CTC1: variants seen among roughly 807,000 people sequenced by gnomAD.
CTC1 encodes the protein CST complex subunit CTC1.
A neutral mutation model predicts 136.3 loss-of-function variants in CTC1; 91 were observed. That is an observed-to-expected ratio of 0.67 (90% CI 0.56 to 0.79). The LOEUF (loss-of-function observed/expected upper bound fraction) is 0.79. Among genes scored for constraint, CTC1 ranks in the 30% least tolerant of loss-of-function variants. The pLI is 0.00. For missense variants in CTC1, 1,432 were observed against 1,498.1 expected (o/e 0.96, Z 0.73); for synonymous variants, 606 against 613.8 (o/e 0.99, Z 0.19).
rs768062140 is a variant in CTC1, at chr17:8,228,210, GCTGGAGTAC to G, written c.3615_3623del (p.Glu1205_Ser1208delinsAsp). 5 of 1,614,104 alleles carry G rather than the reference GCTGGAGTAC, an allele frequency of 3.1e-6. No homozygotes were observed. Among genetic ancestry groups the G allele is most frequent in the Non-Finnish European group, 4.2e-6 (5 of 1,179,976 alleles). ...AGGAGGAAGCAAGGATCCCCAGAGA[GCTGGAGTAC>G]TCTGACTCTCGGATAGAAAGGCAGG... is the stretch of plus-strand genomic sequence containing the variant. On this transcript the variant is annotated inframe_deletion, in exon 23 of 23. Transcript: ENST00000651323.
intron 1 of CTC1, among the ~76,000 whole-genome samples, chr17:8,246,650 G>A (rs1224980634): frequency 6.6e-6 from 1 of 152,094 alleles, no homozygotes; most frequent in African/African-American, 2.4e-5. Flanking sequence ...AGTTTCGGAG[G>A]CCAAGGCGGG....
Position 8,230,569 on chromosome 17 carries a change from T to C in CTC1, c.2752A>G (p.Lys918Glu). ...ACAAAGGAAGGGTCATTACCCAGTT[T>C]CATCCAGAGAGACGCCACAAGGGGT... is the stretch of plus-strand genomic sequence containing the variant. ...CEPLVASLWM[K>E]LGNTGAMRRC... Residue 918 changes from lysine (K) to glutamate (E), a missense_variant, in exon 16 of 23, where the codon AAA (lysine) becomes GAA (glutamate). Physicochemically the swap from Lys to Glu is moderately conservative, Grantham distance 56. Transcript: ENST00000651323. 1 of 1,614,140 alleles carries C rather than the reference T, an allele frequency of 6.2e-7. No individual in the cohort carries two copies. The highest frequency in any genetic ancestry group is 8.5e-7 in the Non-Finnish European group (1 of 1,180,002).
At chr17:8,238,996 G>A (rs1324090190) in intron 2 of CTC1, among the ~76,000 whole-genome samples, 1 of 150,842 alleles carries the variant, frequency 6.6e-6, no homozygotes, top group African/African-American at 2.4e-5. Context: ...GGATGCTGAG[G>A]CAGAAGAATT....
At chr17:8,234,958 C>G (rs1987577469) in intron 8 of CTC1, 32 bp from the exon 9 acceptor site, 1 of 1,593,938 alleles carries the variant, frequency 6.3e-7, no homozygotes, top group African/African-American at 1.3e-5. Context: ...AGTCACTTCC[C>G]CTGAAGAGCC....
At position 8,248,013 on chromosome 17, in the gene CTC1, G is replaced by A. The variant is rs749818659; in HGVS notation, c.24C>T (p.Val8=). Residue 8 remains valine (V), a synonymous_variant, in exon 1 of 23, where the codon GTC becomes GTT. Coordinates refer to ENST00000651323, the MANE Select transcript of CTC1 (RefSeq NM_025099.6). The part of the protein sequence containing the change: MAAGRAQ[V]PSSEQAWLED... ...TAATAGCAGCACTCACGGAGGAAGG[G>A]ACCTGGGCCCGGCCAGCCGCCATGA... 9.0e-6 allele frequency: 14 copies of A among 1,559,384 alleles called. No individual in the cohort carries two copies. The Admixed American group carries it at 1.2e-4, about 13-fold the overall frequency.
At position 8,235,899 on chromosome 17, in the gene CTC1, C is replaced by T. The variant is rs770423508; in HGVS notation, c.1138G>A (p.Gly380Arg). The T allele has an allele frequency of 6.2e-7, 1 of 1,613,900 alleles. No individual in the cohort carries two copies. Among genetic ancestry groups the T allele is most frequent in the Non-Finnish European group, 8.5e-7 (1 of 1,179,808 alleles). Residue 380 changes from glycine (G) to arginine (R), a missense_variant, in exon 7 of 23, where the codon GGG becomes AGG. Gly to Arg is a moderately radical substitution (Grantham distance 125). Coordinates refer to ENST00000651323, the MANE Select transcript of CTC1 (RefSeq NM_025099.6). ...AGLYELDGQL[G>R]LCLAYQQFRG... ...AACTGCTGGTAGGCAAGGCAGAGCC[C>T]CAGCTGCCCATCCAGCTCATAGAGG... is the stretch of plus-strand genomic sequence containing the variant.
chr17:8,245,663 T>C (rs1988613418), intron 1 of CTC1, among the ~76,000 whole-genome samples: 1 of 152,108 alleles, frequency 6.6e-6, no homozygotes, highest in Non-Finnish European at 1.5e-5. Flanking sequence ...GCAGACTGGA[T>C]GTGGTGGCTC....
chr17:8,237,316 C>A (rs937955654), intron 5 of CTC1, 59 bp downstream of exon 5: 3 of 1,598,512 alleles, frequency 1.9e-6, no homozygotes, highest in East Asian at 4.5e-5. Context: ...GCTATCTTTC[C>A]TACTGAAAGT....
At position 8,229,089 on chromosome 17, in the gene CTC1, C is replaced by G. The variant is rs1311110595; in HGVS notation, c.3221+53G>C. On this transcript the variant is annotated intron_variant, in intron 20 of 22. Transcript: ENST00000651323. ...TGCTAATGTAGAAACTGCAGATAGA[C>G]AAAGTGGTCTCATAAGTAAATGGCA... The G allele has an allele frequency of 4.4e-6, 7 of 1,577,598 alleles. No individual in the cohort carries two copies. The African/African-American group carries it at 9.5e-5, about 21-fold the overall frequency.
Position 8,226,957 on chromosome 17 carries a change from G to GA in CTC1, c.*1222dup, listed in dbSNP as rs1986749397. 6.6e-6 allele frequency: 1 copy of GA among 152,390 alleles called. No homozygotes were observed. Among genetic ancestry groups the GA allele is most frequent in the African/African-American group, 2.4e-5 (1 of 41,524 alleles). The allele number at this position is 152,390 out of a possible 1,614,324, so 9.4% of individuals were successfully genotyped here. ...ACTTCCGGATAACAGCAGAGGGTCA[G>GA]AAAACAAAACACACACAAAAAAAAG... On this transcript the variant is annotated 3_prime_UTR_variant, in exon 23 of 23. Transcript: ENST00000651323.
In CTC1 at chr17:8,232,247, A is replaced by C. The variant is rs753288197; in HGVS notation, c.2061-20T>G. On this transcript the variant is annotated intron_variant, in intron 12 of 22. Coordinates refer to ENST00000651323, the MANE Select transcript of CTC1 (RefSeq NM_025099.6). ...TAGACTCTGTTGGGAGAGACAAGGA[A>C]TACATTTCTTAGTGATGCAGGCATT... 3 of 1,540,192 alleles carry C rather than the reference A, an allele frequency of 1.9e-6. No homozygotes were observed. The highest frequency in any genetic ancestry group is 2.6e-6 in the Non-Finnish European group (3 of 1,146,510).
intron 1 of CTC1, chr17:8,247,712 G>A: frequency 2.5e-6 from 1 of 400,796 alleles, no homozygotes; most frequent in South Asian, 3.1e-5. Flanking sequence ...TCTTCTCCAG[G>A]AACCCACAGC....
chr17:8,229,071 G>A (rs1986981470), intron 20 of CTC1, 71 bp downstream of exon 20: 2 of 1,533,764 alleles, frequency 1.3e-6, no homozygotes, highest in Admixed American at 1.8e-5. Context: ...TTATGCTAAT[G>A]TAGAAACTGC....
chr17:8,243,740 A>G (rs1988465397), intron 1 of CTC1, among the ~76,000 whole-genome samples: 1 of 152,174 alleles, frequency 6.6e-6, no homozygotes. Flanking sequence ...CCAAGAATGG[A>G]CAAAAACATT....
At chr17:8,240,540 TAAAAAG>T (rs905311302) in intron 2 of CTC1, among the ~76,000 whole-genome samples, 73 of 151,948 alleles carry the variant, frequency 4.8e-4, no homozygotes, top group African/African-American at 1.7e-3. Flanking sequence ...AATAAAATGA[TAAAAAG>T]GAAAAAAAAC....
rs1988367742 is a variant in CTC1 at position 8,242,587 on chromosome 17, T to C, written c.197+398A>G. ...ATATATATATATATATATACACATA[T>C]ATATATAAACACACTCTCGGAAGCC... On this transcript the variant is annotated intron_variant, in intron 2 of 22. Transcript: ENST00000651323. Among the ~76,000 whole-genome samples, 6 of 139,062 alleles carry C rather than the reference T, an allele frequency of 4.3e-5. No homozygotes were observed. In the South Asian group the frequency reaches 1.4e-3, roughly 32 times the overall value. 91.2% of individuals were successfully genotyped at this position (139,062 alleles called of 152,430 possible). A position where few individuals can be genotyped will look rare whatever the true frequency, so the allele number is the denominator to read the frequency against.
intron 4 of CTC1, 76 bp from the exon 5 acceptor site, chr17:8,237,595 G>A (rs559991927): frequency 5.0e-6 from 6 of 1,194,964 alleles, no homozygotes; most frequent in Non-Finnish European, 6.9e-6. Flanking sequence ...AACCTGAAAG[G>A]CAGAGGTTGC....
intron 11 of CTC1, 90 bp from the exon 12 acceptor site, chr17:8,232,565 C>T (rs966449600): frequency 1.1e-5 from 12 of 1,046,012 alleles, no homozygotes; most frequent in Admixed American, 2.0e-5. Context: ...CACTACCCAT[C>T]CCAGGCCAGA....
In CTC1 at chr17:8,234,621, G is replaced by A. The variant is rs771566152; in HGVS notation, c.1652C>T (p.Thr551Ile). Residue 551 changes from threonine (T) to isoleucine (I), a missense_variant, in exon 10 of 23, where the codon ACT becomes ATT. Coordinates refer to ENST00000651323, the MANE Select transcript of CTC1 (RefSeq NM_025099.6). ...TRLQTPSSFPTLATLKEEGQR... is the reference protein window; with the variant it reads ...TRLQTPSSFPILATLKEEGQR... ...TCCTTCTTCTTTCAGGGTGGCCAGA[G>A]TGGGGAAGGAGGAGGGAGTCTGCAG... 2 of 1,612,986 alleles carry A rather than the reference G, an allele frequency of 1.2e-6. No individual in the cohort carries two copies. The highest frequency in any genetic ancestry group is 8.5e-7 in the Non-Finnish European group (1 of 1,179,456).
Sources: gnomAD v4.1 joint callset for allele counts (sites outside exome capture counted in the v4.1 genomes callset) on GRCh38, gnomAD v4.1.1 for gene constraint, MANE v1.5 for transcripts, NCBI Gene and HGNC (gene_info 2026-07-23, HGNC 2026-07-21) for gene names.